The following SNX18 variants were observed in gnomAD, a reference collection of about 807,000 sequenced individuals.
SNX18 encodes sorting nexin 18, also known as sorting nexin-18.
SNX18 carries 35 observed loss-of-function variants against 48.7 expected under a neutral mutation model. The observed-to-expected ratio is 0.72, with a 90% CI of 0.55 to 0.95. The LOEUF (loss-of-function observed/expected upper bound fraction) is 0.95. SNX18 is among the 40% of genes least tolerant of loss of function. The pLI is 0.00. For synonymous variants in SNX18, 492 were observed against 384.7 expected, an observed-to-expected ratio of 1.28 and a Z score of -3.26; for missense variants, 824 against 871.0, an observed-to-expected ratio of 0.95 and a Z score of 0.68.
At chr5:54,571,505 C>G in the SNX18 span, among the ~76,000 whole-genome samples, 1 of 152,152 alleles carries the variant, frequency 6.6e-6, no homozygotes, top group African/African-American at 2.4e-5. Context: ...CTGAAGTCTT[C>G]GTTCCAATTT....
chr5:54,569,558 T>A, the SNX18 span, among the ~76,000 whole-genome samples: 1 of 152,150 alleles, frequency 6.6e-6, no homozygotes, highest in African/African-American at 2.4e-5. Context: ...GCATCTAGGA[T>A]CTGGAAATTT....
chr5:54,613,452 C>T, the SNX18 span, among the ~76,000 whole-genome samples: 1 of 152,094 alleles, frequency 6.6e-6, no homozygotes, highest in Non-Finnish European at 1.5e-5. Context: ...TCCTGCAATA[C>T]AGGCCTTAAT....
At chr5:54,639,230 G>C in the SNX18 span, among the ~76,000 whole-genome samples, 4 of 152,202 alleles carry the variant, frequency 2.6e-5, no homozygotes, top group Admixed American at 2.0e-4. Context: ...TTTATAACCA[G>C]CAATCTAGGG....
the SNX18 span, among the ~76,000 whole-genome samples, chr5:54,625,639 T>C: frequency 6.6e-6 from 1 of 151,972 alleles, no homozygotes; most frequent in South Asian, 2.1e-4. Flanking sequence ...TAGAAATGAG[T>C]CCAGCCCATA....
intron 1 of SNX18, among the ~76,000 whole-genome samples, chr5:54,528,781 T>A (rs954779533): frequency 2.0e-5 from 3 of 151,628 alleles, no homozygotes; most frequent in Non-Finnish European, 4.4e-5. Context: ...CTAAGAAGAG[T>A]TTTGAAAACA....
At chr5:54,526,308 A>T (rs552803541) in intron 1 of SNX18, among the ~76,000 whole-genome samples, 1 of 152,136 alleles carries the variant, frequency 6.6e-6, no homozygotes, top group East Asian at 1.9e-4. Flanking sequence ...GGGTTTCACT[A>T]TATTGGCCAG....
At chr5:54,586,975 G>A in the SNX18 span, among the ~76,000 whole-genome samples, 2,926 of 131,698 alleles carry the variant, frequency 0.022, 94 homozygotes, top group African/African-American at 0.077. Context: ...AAGGTTAATG[G>A]GAATTTATTT....
At chr5:54,582,418 A>G in the SNX18 span, among the ~76,000 whole-genome samples, 5 of 152,196 alleles carry the variant, frequency 3.3e-5, no homozygotes, top group Admixed American at 3.3e-4. Context: ...TTTCAGTTGT[A>G]ACATGTTTTT....
chr5:54,554,438 C>A, the SNX18 span, among the ~76,000 whole-genome samples: 3 of 152,192 alleles, frequency 2.0e-5, no homozygotes, highest in Non-Finnish European at 4.4e-5. Context: ...CAGGGCCTAG[C>A]TCCGCAGGCT....
At chr5:54,610,073 C>T in the SNX18 span, among the ~76,000 whole-genome samples, 2 of 152,112 alleles carry the variant, frequency 1.3e-5, no homozygotes, top group Admixed American at 1.3e-4. Flanking sequence ...CATGAGGCTT[C>T]CCAGAAGCTG....
the SNX18 span, among the ~76,000 whole-genome samples, chr5:54,610,847 C>A: frequency 6.6e-6 from 1 of 152,192 alleles, no homozygotes; most frequent in Non-Finnish European, 1.5e-5. Flanking sequence ...AGAGCACAGT[C>A]AGTTAGTAGC....
chr5:54,613,094 G>A, the SNX18 span, among the ~76,000 whole-genome samples: 1 of 152,226 alleles, frequency 6.6e-6, no homozygotes, highest in Non-Finnish European at 1.5e-5. Context: ...GATGGGAGCG[G>A]TGCTCATGCC....
chr5:54,533,428 T>C (rs1027874855), intron 1 of SNX18, among the ~76,000 whole-genome samples: 2 of 152,134 alleles, frequency 1.3e-5, no homozygotes, highest in African/African-American at 4.8e-5. Context: ...CTCATCCCTA[T>C]GTTGGTGGCA....
the SNX18 span, among the ~76,000 whole-genome samples, chr5:54,627,540 A>G: frequency 1.3e-5 from 2 of 152,186 alleles, no homozygotes; most frequent in African/African-American, 2.4e-5. Flanking sequence ...AGATTCTCCA[A>G]TCTTCAAAAA....
the SNX18 span, among the ~76,000 whole-genome samples, chr5:54,590,436 T>A: frequency 6.6e-6 from 1 of 152,170 alleles, no homozygotes; most frequent in Non-Finnish European, 1.5e-5. Flanking sequence ...AGTCAGATTA[T>A]TGGTTTCTTT....
At chr5:54,538,030 T>G (rs1762389763) in intron 1 of SNX18, among the ~76,000 whole-genome samples, 1 of 152,220 alleles carries the variant, frequency 6.6e-6, no homozygotes, top group Non-Finnish European at 1.5e-5. Flanking sequence ...TAGTTTCCGC[T>G]TCCAACATGC....
At chr5:54,641,804 C>T in the SNX18 span, among the ~76,000 whole-genome samples, 468 of 152,252 alleles carry the variant, frequency 3.1e-3, 3 homozygotes, top group African/African-American at 0.011. Context: ...TGTATGTATG[C>T]GTGTGCGGGT....
At chr5:54,617,075 T>C in the SNX18 span, among the ~76,000 whole-genome samples, 1 of 152,186 alleles carries the variant, frequency 6.6e-6, no homozygotes, top group Non-Finnish European at 1.5e-5. Context: ...ACTGAGGCAA[T>C]GAATGAGAGT....
the SNX18 span, among the ~76,000 whole-genome samples, chr5:54,598,390 G>A: frequency 6.6e-6 from 1 of 152,130 alleles, no homozygotes; most frequent in Non-Finnish European, 1.5e-5. Flanking sequence ...CATTCTATGA[G>A]GCCAGGCCTG....
Sources: allele counts gnomAD v4.1 joint callset (sites outside exome capture counted in the v4.1 genomes callset), GRCh38; gene constraint gnomAD v4.1.1; transcripts MANE v1.5; gene names NCBI Gene and HGNC (gene_info 2026-07-23, HGNC 2026-07-21).